The following CSMD1 variants were observed in gnomAD, a reference collection of about 807,000 sequenced individuals.
CSMD1 encodes CUB and sushi domain-containing protein 1.
CSMD1 carries 213 observed loss-of-function variants against 417.5 expected under a neutral mutation model. The observed-to-expected ratio is 0.51, with a 90% CI of 0.46 to 0.57. CSMD1 has a LOEUF of 0.57. CSMD1 is among the 20% of genes least tolerant of loss of function. CSMD1 has a pLI of 0.00. For missense variants in CSMD1, 6,923 were observed against 4,529.7 expected, an observed-to-expected ratio of 1.53 and a Z score of -15.17; for synonymous variants, 2,862 against 1,736.8, an observed-to-expected ratio of 1.65 and a Z score of -16.11.
intron 5 of CSMD1, among the ~76,000 whole-genome samples, chr8:3,981,067 C>G (rs553164095): frequency 2.0e-5 from 3 of 152,270 alleles, no homozygotes; most frequent in East Asian, 1.9e-4. Flanking sequence ...AACGCCCGTA[C>G]TTGTAGTTCC....
intron 5 of CSMD1, among the ~76,000 whole-genome samples, chr8:3,955,278 C>T (rs1811865481): frequency 6.6e-6 from 1 of 152,152 alleles, no homozygotes. Flanking sequence ...GCAAAAGAGG[C>T]ATGCAGTGTC....
At chr8:3,152,951 T>C (rs777732867) in intron 39 of CSMD1, among the ~76,000 whole-genome samples, 1 of 152,166 alleles carries the variant, frequency 6.6e-6, no homozygotes, top group East Asian at 1.9e-4. Flanking sequence ...TATCCAACTG[T>C]CAGAGGTGTT....
rs746013139 is a variant in CSMD1 at position 3,369,356 on chromosome 8, A to T, written c.2797T>A (p.Tyr933Asn). ...ACTGTTCCACTCTTCCCTTGGATGT[A>T]GCCTCCACATAGAGCTTAAAATAAT... is the stretch of plus-strand genomic sequence containing the variant. The part of the protein sequence containing the change: ...LPSCDALCGG[Y>N]IQGKSGTVLS... The change falls in exon 19 of 70, where the codon TAC becomes AAC. Residue 933 changes from tyrosine to asparagine, a missense_variant. Transcript: ENST00000635120. 10 of 1,557,412 alleles carry T rather than the reference A, an allele frequency of 6.4e-6. No individual in the cohort carries two copies. The South Asian group carries it at 1.1e-4, about 17-fold the overall frequency.
intron 10 of CSMD1, among the ~76,000 whole-genome samples, chr8:3,552,918 G>A (rs576830862): frequency 2.3e-4 from 35 of 151,974 alleles, no homozygotes; most frequent in Middle Eastern, 3.4e-3. Flanking sequence ...AATGGAGATC[G>A]GAAATCTGTT....
At chr8:3,547,955 A>C (rs1798745712) in intron 10 of CSMD1, among the ~76,000 whole-genome samples, 2 of 152,200 alleles carry the variant, frequency 1.3e-5, no homozygotes, top group African/African-American at 4.8e-5. Flanking sequence ...AATTTGCGAT[A>C]CAACTTCAAC....
chr8:3,444,773 C>T (rs1815198935), intron 12 of CSMD1, among the ~76,000 whole-genome samples: 1 of 152,144 alleles, frequency 6.6e-6, no homozygotes, highest in African/African-American at 2.4e-5. Flanking sequence ...CCTGTCTTGC[C>T]TATCAACTTT....
At chr8:4,790,305 C>G (rs567478968) in intron 1 of CSMD1, among the ~76,000 whole-genome samples, 191 of 152,150 alleles carry the variant, frequency 1.3e-3, no homozygotes, top group African/African-American at 4.3e-3. Flanking sequence ...ACGAGAATTA[C>G]AAAACAGAAA....
At chr8:4,921,880 C>G (rs1292462370) in intron 1 of CSMD1, among the ~76,000 whole-genome samples, 1 of 152,192 alleles carries the variant, frequency 6.6e-6, no homozygotes, top group Non-Finnish European at 1.5e-5. Context: ...TGACTGTATT[C>G]ACTCAGAATT....
intron 2 of CSMD1, among the ~76,000 whole-genome samples, chr8:4,513,129 T>C (rs10113553): frequency 0.24 from 37,216 of 152,076 alleles, 5,143 homozygotes; most frequent in South Asian, 0.32. Context: ...AAGAGTGCGC[T>C]CCAATGTAAA....
intron 20 of CSMD1, among the ~76,000 whole-genome samples, chr8:3,366,436 C>T (rs1038733758): frequency 6.6e-6 from 1 of 152,086 alleles, no homozygotes; most frequent in Admixed American, 6.6e-5. Context: ...ACAATCTAAC[C>T]CATACAAATA....
intron 12 of CSMD1, among the ~76,000 whole-genome samples, chr8:3,466,458 G>A (rs1221182949): frequency 6.6e-6 from 1 of 151,740 alleles, no homozygotes; most frequent in Admixed American, 6.6e-5. Flanking sequence ...TGCCTAGGCT[G>A]GAGTGCAGTG....
intron 62 of CSMD1, among the ~76,000 whole-genome samples, 190 bp downstream of exon 62, chr8:2,960,940 ATATATATATAT>A (rs1803407631): frequency 8.4e-5 from 1 of 11,972 alleles, no homozygotes; most frequent in Non-Finnish European, 2.0e-4. Flanking sequence ...AGTAAGCAAG[ATATATATATAT>A]ATATATATAT....
intron 3 of CSMD1, among the ~76,000 whole-genome samples, chr8:4,278,505 G>C (rs1796607838): frequency 6.6e-6 from 1 of 152,126 alleles, no homozygotes; most frequent in East Asian, 1.9e-4. Context: ...TGACACAAAA[G>C]TAATTGTGAG....
intron 5 of CSMD1, among the ~76,000 whole-genome samples, chr8:3,934,767 A>G (rs913069389): frequency 5.3e-5 from 8 of 152,104 alleles, no homozygotes; most frequent in Non-Finnish European, 1.0e-4. Flanking sequence ...GAATCACTTG[A>G]ACCTGGGAAG....
At chr8:4,884,916 C>A (rs1803642254) in intron 1 of CSMD1, among the ~76,000 whole-genome samples, 1 of 152,030 alleles carries the variant, frequency 6.6e-6, no homozygotes, top group Non-Finnish European at 1.5e-5. Flanking sequence ...ATAGGTATTG[C>A]ATTGAAGCTT....
chr8:3,891,050 T>G (rs35592609), intron 5 of CSMD1, among the ~76,000 whole-genome samples: 4 of 151,728 alleles, frequency 2.6e-5, no homozygotes, highest in Non-Finnish European at 4.4e-5. Context: ...TTTTTTTTTG[T>G]TTTATTTTAT....
At chr8:4,380,349 T>G (rs1045180486) in intron 3 of CSMD1, among the ~76,000 whole-genome samples, 5 of 152,174 alleles carry the variant, frequency 3.3e-5, no homozygotes, top group Admixed American at 6.5e-5. Flanking sequence ...GGAATGACAC[T>G]TCACCTCTAG....
intron 7 of CSMD1, among the ~76,000 whole-genome samples, chr8:3,682,934 T>G (rs1263045699): frequency 6.6e-6 from 1 of 151,968 alleles, no homozygotes; most frequent in Non-Finnish European, 1.5e-5. Flanking sequence ...CAGCAAACTA[T>G]CTATCGCAAG....
At chr8:3,843,929 G>A (rs550779644) in intron 5 of CSMD1, among the ~76,000 whole-genome samples, 127 of 152,218 alleles carry the variant, frequency 8.3e-4, no homozygotes, top group African/African-American at 2.9e-3. Flanking sequence ...CATTGCATGC[G>A]CACAAGGTTA....
Sources: allele counts gnomAD v4.1 joint callset (sites outside exome capture counted in the v4.1 genomes callset), GRCh38; gene constraint gnomAD v4.1.1; transcripts MANE v1.5; gene names NCBI Gene and HGNC (gene_info 2026-07-23, HGNC 2026-07-21).